RABGAP1: variants seen among roughly 807,000 people sequenced by gnomAD.
The protein encoded by RABGAP1 is rab GTPase-activating protein 1.
Under a neutral mutation model 137.6 loss-of-function variants are expected in RABGAP1, and 23 were observed. The ratio of observed to expected loss-of-function variants is 0.17; its 90% CI spans 0.12 to 0.24. RABGAP1 has a LOEUF of 0.24. Among genes scored for constraint, RABGAP1 ranks in the 10% least tolerant of loss-of-function variants. The pLI, the probability that RABGAP1 is intolerant of heterozygous loss-of-function variation, is 1.00. For synonymous variants in RABGAP1, 451 were observed against 450.7 expected (o/e 1.00, Z -0.01); for missense variants, 906 against 1,275.8 (o/e 0.71, Z 4.42).
chr9:122,958,895 A>G (rs891172700), intron 2 of RABGAP1, among the ~76,000 whole-genome samples: 1 of 151,870 alleles, frequency 6.6e-6, no homozygotes, highest in African/African-American at 2.4e-5. Context: ...TTCAGTCCCC[A>G]CTACTTGGGA....
At chr9:123,005,808 C>T (rs184776701) in intron 10 of RABGAP1, among the ~76,000 whole-genome samples, 54 of 152,266 alleles carry the variant, frequency 3.5e-4, no homozygotes, top group Admixed American at 6.5e-5. Context: ...ATAAGGTGAA[C>T]GTACATATGC....
chr9:122,978,985 A>G lies in RABGAP1; in HGVS notation c.151-5500A>G, dbSNP rs998475712. Among the ~76,000 whole-genome samples the G allele has an allele frequency of 1.6e-4, 24 of 151,740 alleles. No homozygotes were observed. The East Asian group carries it at 4.6e-3, about 29-fold the overall frequency. ...GTGGCATAATCTCACTGCAGCCTCA[A>G]CCTCCTGGGTTCAAGTGATCCTCCC... On this transcript the variant is annotated intron_variant, in intron 2 of 25. Coordinates refer to ENST00000373647, the MANE Select transcript of RABGAP1 (RefSeq NM_012197.4).
At chr9:122,982,213 GT>G in intron 2 of RABGAP1, among the ~76,000 whole-genome samples, 1 of 152,284 alleles carries the variant, frequency 6.6e-6, no homozygotes, top group South Asian at 2.1e-4. Flanking sequence ...TCTTACCACT[GT>G]TTTGTGTATG....
chr9:123,031,128 G>A (rs1422341806), intron 13 of RABGAP1, among the ~76,000 whole-genome samples: 5 of 151,896 alleles, frequency 3.3e-5, no homozygotes, highest in African/African-American at 1.2e-4. Context: ...CCATTGTATT[G>A]TCTGTTTTTA....
intron 10 of RABGAP1, among the ~76,000 whole-genome samples, chr9:123,003,204 T>C (rs998034081): frequency 1.3e-5 from 2 of 152,228 alleles, no homozygotes; most frequent in Non-Finnish European, 2.9e-5. Flanking sequence ...TTGTCTTGGC[T>C]ACTTCACTTT....
chr9:123,072,773 T>A (rs2034395538), intron 15 of RABGAP1, among the ~76,000 whole-genome samples: 1 of 152,224 alleles, frequency 6.6e-6, no homozygotes, highest in Admixed American at 6.5e-5. Flanking sequence ...TCTCAGTGAT[T>A]TCTGTGCTCA....
intron 9 of RABGAP1, 67 bp from the exon 10 acceptor site, chr9:122,998,530 G>T: frequency 1.5e-5 from 18 of 1,221,808 alleles, no homozygotes; most frequent in South Asian, 4.3e-5. Flanking sequence ...AGCTTTTATG[G>T]AATCTTATGA....
At chr9:122,971,236 G>GCT (rs1017429460) in intron 2 of RABGAP1, among the ~76,000 whole-genome samples, 14 of 152,338 alleles carry the variant, frequency 9.2e-5, no homozygotes, top group African/African-American at 3.4e-4. Context: ...GGAGGGTCTT[G>GCT]CTGGGAATTT....
At chr9:122,998,797 G>T in intron 10 of RABGAP1, 31 bp downstream of exon 10, 1 of 1,411,566 alleles carries the variant, frequency 7.1e-7, no homozygotes, top group Non-Finnish European at 9.7e-7. Context: ...TATAGAAGGG[G>T]GAATAAGAAA....
At chr9:123,005,698 G>C (rs952146095) in intron 10 of RABGAP1, among the ~76,000 whole-genome samples, 8 of 152,156 alleles carry the variant, frequency 5.3e-5, no homozygotes, top group African/African-American at 1.7e-4. Context: ...GTCGTTTGCT[G>C]TTCCAAATAA....
chr9:122,932,814 G>A, the RABGAP1 span, among the ~76,000 whole-genome samples: 1 of 152,208 alleles, frequency 6.6e-6, no homozygotes, highest in East Asian at 1.9e-4. Context: ...TTACAGGTGT[G>A]AGCCACCGTG....
At chr9:123,016,548 A>G (rs983591979) in intron 12 of RABGAP1, among the ~76,000 whole-genome samples, 2 of 99,160 alleles carry the variant, frequency 2.0e-5, no homozygotes, top group Non-Finnish European at 4.9e-5. Context: ...AAAAGAATAC[A>G]TTGCCTTTAG....
Position 123,103,633 on chromosome 9 carries a change from A to ATATATATC in RABGAP1, c.*424_*425insTATCTATA. 1 of 94,704 alleles carries ATATATATC rather than the reference A, an allele frequency of 1.1e-5. No homozygotes were observed. Among genetic ancestry groups the ATATATATC allele is most frequent in the African/African-American group, 4.1e-5 (1 of 24,208 alleles). 5.9% of individuals were successfully genotyped at this position (94,704 alleles called of 1,614,324 possible). A position where few individuals can be genotyped will look rare whatever the true frequency, so the allele number is the denominator to read the frequency against. On this transcript the variant is annotated 3_prime_UTR_variant, in exon 26 of 26. Coordinates refer to ENST00000373647, the MANE Select transcript of RABGAP1 (RefSeq NM_012197.4). ...TATATATATATATATATATATATAT[A>ATATATATC]TATAGTGGGGGTGGGGCAAGGGATC...
intron 6 of RABGAP1, among the ~76,000 whole-genome samples, chr9:122,994,751 A>G (rs2131807163): frequency 6.6e-6 from 1 of 152,264 alleles, no homozygotes; most frequent in South Asian, 2.1e-4. Context: ...ATGGCCATGG[A>G]CAGATGTTTA....
intron 1 of RABGAP1, among the ~76,000 whole-genome samples, chr9:122,952,423 T>C (rs1834302680): frequency 6.6e-6 from 1 of 151,920 alleles, no homozygotes; most frequent in South Asian, 2.1e-4. Context: ...CATGCCTGGC[T>C]AATTTTTTTT....
chr9:122,981,963 T>C (rs112357361), intron 2 of RABGAP1, among the ~76,000 whole-genome samples: 4 of 151,558 alleles, frequency 2.6e-5, no homozygotes, highest in African/African-American at 9.7e-5. Context: ...GCAGAAGAAT[T>C]GCCTGAACCT....
At chr9:122,952,648 A>G (rs1834314767) in intron 1 of RABGAP1, among the ~76,000 whole-genome samples, 1 of 152,088 alleles carries the variant, frequency 6.6e-6, no homozygotes, top group African/African-American at 2.4e-5. Context: ...AGGTAGGAGG[A>G]TCACCTGAGC....
At chr9:122,946,208 A>C (rs1833942723) in intron 1 of RABGAP1, 1 of 152,174 alleles carries the variant, frequency 6.6e-6, no homozygotes, top group African/African-American at 2.4e-5. Context: ...CATTCCCCTG[A>C]AAATCAAACA....
intron 4 of RABGAP1, among the ~76,000 whole-genome samples, 198 bp from the exon 5 acceptor site, chr9:122,989,099 G>GT (rs924742388): frequency 4.6e-5 from 7 of 151,984 alleles, no homozygotes; most frequent in Admixed American, 6.6e-5. Flanking sequence ...ATACTATATG[G>GT]TTTTTAGTAC....
Sources: gnomAD v4.1 joint callset for allele counts (sites outside exome capture counted in the v4.1 genomes callset) on GRCh38, gnomAD v4.1.1 for gene constraint, MANE v1.5 for transcripts, NCBI Gene and HGNC (gene_info 2026-07-23, HGNC 2026-07-21) for gene names.